MTX2: variants seen among roughly 807,000 people sequenced by gnomAD.
MTX2 encodes metaxin-2.
In MTX2, 35 loss-of-function variants were observed where a neutral mutation model predicts 42.3. That is an observed-to-expected ratio of 0.83 (90% confidence interval 0.63 to 1.10). The LOEUF (loss-of-function observed/expected upper bound fraction) is 1.10, where lower values mean the gene tolerates loss of function less well. Ranked by LOEUF, MTX2 falls within the 50% of genes least tolerant of loss-of-function variation. MTX2 has a pLI of 0.00. For missense variants in MTX2, 307 were observed against 304.1 expected, an observed-to-expected ratio of 1.01 and a Z score of -0.07; for synonymous variants, 119 against 100.9, an observed-to-expected ratio of 1.18 and a Z score of -1.08.
At chr2:176,272,494 ATTTAG>A (rs1193798926) in intron 1 of MTX2, among the ~76,000 whole-genome samples, 1 of 152,126 alleles carries the variant, frequency 6.6e-6, no homozygotes, top group African/African-American at 2.4e-5. Flanking sequence ...TCTTTGATTT[ATTTAG>A]TTCAAAATAT....
chr2:176,325,802 G>A (rs1684694017), intron 4 of MTX2, among the ~76,000 whole-genome samples: 1 of 151,770 alleles, frequency 6.6e-6, no homozygotes, highest in Non-Finnish European at 1.5e-5. Flanking sequence ...GCAGTAGAAG[G>A]AAGGAATGCA....
chr2:176,301,794 A>T (rs909051351), intron 3 of MTX2, among the ~76,000 whole-genome samples: 2 of 152,198 alleles, frequency 1.3e-5, no homozygotes, highest in African/African-American at 4.8e-5. Context: ...ATTAAGGAGT[A>T]AAAGAACATG....
chr2:176,302,699 A>G (rs945500239), intron 3 of MTX2, among the ~76,000 whole-genome samples: 3 of 152,064 alleles, frequency 2.0e-5, no homozygotes, highest in African/African-American at 4.8e-5. Context: ...CAGCCTCCCA[A>G]AGTGCTGGGT....
At chr2:176,294,560 C>T (rs1010968907) in intron 1 of MTX2, among the ~76,000 whole-genome samples, 2 of 152,184 alleles carry the variant, frequency 1.3e-5, no homozygotes, top group African/African-American at 4.8e-5. Flanking sequence ...CAGGCGTGAG[C>T]CATGGCACCC....
chr2:176,324,790 T>C (rs1480180138), intron 4 of MTX2, among the ~76,000 whole-genome samples: 1 of 151,782 alleles, frequency 6.6e-6, no homozygotes, highest in Admixed American at 6.6e-5. Flanking sequence ...CATACAAAAA[T>C]ATACATTCTT....
At chr2:176,273,138 A>C (rs1037640860) in intron 1 of MTX2, among the ~76,000 whole-genome samples, 4 of 152,186 alleles carry the variant, frequency 2.6e-5, no homozygotes, top group African/African-American at 9.7e-5. Flanking sequence ...TTTTACAACA[A>C]CCTACTCTTG....
intron 1 of MTX2, among the ~76,000 whole-genome samples, chr2:176,274,151 T>C (rs1692890978): frequency 6.6e-6 from 1 of 152,126 alleles, no homozygotes; most frequent in Non-Finnish European, 1.5e-5. Context: ...TTTTTCCTGA[T>C]AATGATAATG....
intron 1 of MTX2, among the ~76,000 whole-genome samples, chr2:176,273,913 T>TAA (rs35060266): frequency 2.1e-4 from 31 of 145,168 alleles, no homozygotes; most frequent in South Asian, 6.6e-4. Flanking sequence ...TAATTTTCCT[T>TAA]AAAAAAAAAA....
chr2:176,308,520 C>T (rs899036755), intron 3 of MTX2, among the ~76,000 whole-genome samples: 14 of 152,156 alleles, frequency 9.2e-5, no homozygotes, highest in Non-Finnish European at 1.8e-4. Context: ...CCATCTGGTC[C>T]TGGACGTTTT....
intron 4 of MTX2, 38 bp from the exon 5 acceptor site, chr2:176,326,787 G>T: frequency 8.2e-7 from 1 of 1,219,420 alleles, no homozygotes; most frequent in South Asian, 1.4e-5. Context: ...TAACATACTG[G>T]AAGTATTTTT....
intron 3 of MTX2, among the ~76,000 whole-genome samples, chr2:176,311,293 C>T (rs1196703174): frequency 3.3e-5 from 5 of 152,084 alleles, no homozygotes; most frequent in Admixed American, 6.6e-5. Context: ...AGAGGAGCAC[C>T]GAACTATGTG....
intron 3 of MTX2, among the ~76,000 whole-genome samples, chr2:176,299,120 G>C (rs1389215108): frequency 6.6e-6 from 1 of 152,108 alleles, no homozygotes; most frequent in Non-Finnish European, 1.5e-5. Context: ...CCACCACCCT[G>C]TGACATTTGA....
chr2:176,294,546 A>G (rs1683801785), intron 1 of MTX2, among the ~76,000 whole-genome samples: 2 of 152,194 alleles, frequency 1.3e-5, no homozygotes, highest in Non-Finnish European at 2.9e-5. Context: ...AAGTTTTGGG[A>G]TTACAGGCGT....
rs1381719271 is a variant in MTX2 at position 176,337,551 on chromosome 2, T to A, written c.679T>A (p.Leu227Met). Reference protein sequence around the residue: ...GHLYTILTTQLTNDELSEKVK... With the variant: ...GHLYTILTTQMTNDELSEKVK... Reference sequence around the variant, plus strand: ...TCTATACACCATTCTTACCACACAATTGACAAATGATGAACTTTCTGAGAA... The same window carrying A: ...TCTATACACCATTCTTACCACACAAATGACAAATGATGAACTTTCTGAGAA... Residue 227 changes from leucine to methionine, a missense_variant, in exon 10 of 10, where the codon TTG (leucine) becomes ATG (methionine). Leu to Met is a conservative substitution (Grantham distance 15, BLOSUM62 2). Coordinates refer to ENST00000249442, the MANE Select transcript of MTX2 (RefSeq NM_006554.5). 1.2e-6 allele frequency: 2 copies of A among 1,613,362 alleles called. No individual in the cohort carries two copies. The highest frequency in any genetic ancestry group is 1.7e-5 in the Admixed American group (1 of 59,964).
intron 3 of MTX2, among the ~76,000 whole-genome samples, chr2:176,311,110 A>C (rs569677103): frequency 6.6e-6 from 1 of 151,612 alleles, no homozygotes; most frequent in South Asian, 2.1e-4. Context: ...ATTGATGTTG[A>C]TGGTATTCCT....
At chr2:176,330,774 T>G in intron 9 of MTX2, 114 bp downstream of exon 9, 1 of 735,878 alleles carries the variant, frequency 1.4e-6, no homozygotes, top group Non-Finnish European at 2.2e-6. Context: ...TTATAATTTT[T>G]GTACTCAAAT....
In MTX2 at chr2:176,337,539, C is replaced by T; in HGVS notation, c.667C>T (p.Leu223Phe). ...GGTATTTGGCCATCTATACACCATT[C>T]TTACCACACAATTGACAAATGATGA... Reference protein sequence around the residue: ...ALVFGHLYTILTTQLTNDELS... With the variant: ...ALVFGHLYTIFTTQLTNDELS... Residue 223 changes from leucine to phenylalanine, a missense_variant, in exon 10 of 10, where the codon CTT (leucine) becomes TTT (phenylalanine). Physicochemically the swap from Leu to Phe is conservative, Grantham distance 22 (BLOSUM62 0). Coordinates refer to ENST00000249442, the MANE Select transcript of MTX2 (RefSeq NM_006554.5). 1 of 1,613,058 alleles carries T rather than the reference C, an allele frequency of 6.2e-7. No homozygotes were observed. Among genetic ancestry groups the T allele is most frequent in the South Asian group, 1.1e-5 (1 of 90,944 alleles).
At chr2:176,309,390 T>C (rs1684236738) in intron 3 of MTX2, among the ~76,000 whole-genome samples, 1 of 152,198 alleles carries the variant, frequency 6.6e-6, no homozygotes, top group Admixed American at 6.5e-5. Flanking sequence ...TGGAGAGTTC[T>C]GTAGGTGTCT....
At chr2:176,334,127 G>A (rs917485233) in intron 9 of MTX2, among the ~76,000 whole-genome samples, 7 of 151,632 alleles carry the variant, frequency 4.6e-5, no homozygotes, top group Non-Finnish European at 8.9e-5. Context: ...AGTACCTCTG[G>A]AGTTATGTGG....
Sources: gnomAD v4.1 joint callset for allele counts (sites outside exome capture counted in the v4.1 genomes callset) on GRCh38, gnomAD v4.1.1 for gene constraint, MANE v1.5 for transcripts, NCBI Gene and HGNC (gene_info 2026-07-23, HGNC 2026-07-21) for gene names.